The following ZG16 variants were observed in gnomAD, a reference collection of about 807,000 sequenced individuals.
The protein encoded by ZG16 is zymogen granule membrane protein 16.
In ZG16, 9 loss-of-function variants were observed where a neutral mutation model predicts 15.6. The ratio of observed to expected loss-of-function variants is 0.58; its 90% confidence interval spans 0.35 to 1.00. The LOEUF is 1.00. Among genes scored for constraint, ZG16 ranks in the 50% least tolerant of loss-of-function variants. The pLI, the probability that ZG16 is intolerant of heterozygous loss-of-function variation, is 0.02. For synonymous variants in ZG16, 89 were observed against 87.4 expected (o/e 1.02, Z -0.10); for missense variants, 174 against 214.8 (o/e 0.81, Z 1.19).
Position 29,780,360 on chromosome 16 carries a change from C to G in ZG16, c.445C>G (p.Leu149Val). 6.5e-7 allele frequency: 1 copy of G among 1,537,290 alleles called. No homozygotes were observed. The highest frequency in any genetic ancestry group is 8.7e-7 in the Non-Finnish European group (1 of 1,146,932). The change falls in exon 4 of 4, where the codon CTC becomes GTC. Residue 149 changes from leucine to valine, a missense_variant. By Grantham distance (32) the Leu-to-Val change is conservative. Coordinates refer to ENST00000400752, the MANE Select transcript of ZG16 (RefSeq NM_152338.4). Reference sequence around the variant, plus strand: ...CTTCATCAGTGGCCGGTCTGGTTCTCTCATCGATGCCATTGGCCTGCACTG... The same window carrying G: ...CTTCATCAGTGGCCGGTCTGGTTCTGTCATCGATGCCATTGGCCTGCACTG... ...LRFISGRSGS[L>V]IDAIGLHWDV... is the part of the protein sequence containing the mutation.
In ZG16 at chr16:29,780,488, ATGGCTC is replaced by A; in HGVS notation, c.*70_*75del. ...TCCCTTATCACTAACCCCCATCCAA[ATGGCTC>A]AATAAAAAAAATATGGTTAAGGCTA... is the stretch of plus-strand genomic sequence containing the variant. On this transcript the variant is annotated 3_prime_UTR_variant, in exon 4 of 4. Coordinates refer to ENST00000400752, the MANE Select transcript of ZG16 (RefSeq NM_152338.4). 2 of 1,266,842 alleles carry A rather than the reference ATGGCTC, an allele frequency of 1.6e-6. No individual in the cohort carries two copies. Among genetic ancestry groups the A allele is most frequent in the African/African-American group, 1.9e-5 (1 of 52,338 alleles). The allele number at this position is 1,266,842 out of a possible 1,614,324, so 78.5% of individuals were successfully genotyped here.
rs1261033040 is a variant in ZG16, at chr16:29,780,285, A to C, written c.370A>C (p.Ser124Arg). Reference sequence around the variant, plus strand: ...CCGCTATCTGTCTTTTGGGAAAGACAGTGGCACAAGTTTCAATGCCGTCCC... The same window carrying C: ...CCGCTATCTGTCTTTTGGGAAAGACCGTGGCACAAGTTTCAATGCCGTCCC... The part of the protein sequence containing the change: ...KGRYLSFGKD[S>R]GTSFNAVPLH... The change falls in exon 4 of 4, where the codon AGT becomes CGT. Residue 124 changes from serine (S) to arginine (R), a missense_variant. Transcript: ENST00000400752. 1 of 1,537,464 alleles carries C rather than the reference A, an allele frequency of 6.5e-7. No homozygotes were observed. Among genetic ancestry groups the C allele is most frequent in the South Asian group, 1.2e-5 (1 of 84,060 alleles).
Position 29,780,920 on chromosome 16 carries a change from C to T in ZG16, c.*501C>T, listed in dbSNP as rs1483727530. 1 of 153,514 alleles carries T rather than the reference C, an allele frequency of 6.5e-6. No individual in the cohort carries two copies. Among genetic ancestry groups the T allele is most frequent in the Non-Finnish European group, 1.5e-5 (1 of 68,964 alleles). 9.5% of individuals were successfully genotyped at this position (153,514 alleles called of 1,614,324 possible). Reference sequence around the variant, plus strand: ...TTCTTTCCCAGAACCCACCTGACTCCTGAAACTTAGCTGAAGTCTGTGCCC... The same window carrying T: ...TTCTTTCCCAGAACCCACCTGACTCTTGAAACTTAGCTGAAGTCTGTGCCC... On this transcript the variant is annotated 3_prime_UTR_variant, in exon 4 of 4. Transcript: ENST00000400752.
Position 29,780,521 on chromosome 16 carries a change from T to A in ZG16, c.*102T>A. ...ATAAAAAAAATATGGTTAAGGCTAGTCTGTGTGGGGGCATCTGTGGCTGGG... is the reference window on the plus strand; with the variant it reads ...ATAAAAAAAATATGGTTAAGGCTAGACTGTGTGGGGGCATCTGTGGCTGGG... On this transcript the variant is annotated 3_prime_UTR_variant, in exon 4 of 4. Coordinates refer to ENST00000400752, the MANE Select transcript of ZG16 (RefSeq NM_152338.4). 1 of 1,106,370 alleles carries A rather than the reference T, an allele frequency of 9.0e-7. No homozygotes were observed. The highest frequency in any genetic ancestry group is 1.3e-6 in the Non-Finnish European group (1 of 796,366). The allele number at this position is 1,106,370 out of a possible 1,614,324, so 68.5% of individuals were successfully genotyped here. A position where few individuals can be genotyped will look rare whatever the true frequency, so the allele number is the denominator to read the frequency against.
chr16:29,780,362 C>T lies in ZG16; in HGVS notation c.447C>T (p.Leu149=). Residue 149 remains leucine (L), a synonymous_variant, in exon 4 of 4, where the codon CTC becomes CTT. Coordinates refer to ENST00000400752, the MANE Select transcript of ZG16 (RefSeq NM_152338.4). ...TCATCAGTGGCCGGTCTGGTTCTCT[C>T]ATCGATGCCATTGGCCTGCACTGGG... ...LRFISGRSGS[L]IDAIGLHWDV... is the part of the protein sequence containing the mutation. 1 of 1,537,296 alleles carries T rather than the reference C, an allele frequency of 6.5e-7. No individual in the cohort carries two copies. Among genetic ancestry groups the T allele is most frequent in the Non-Finnish European group, 8.7e-7 (1 of 1,146,932 alleles).
At chr16:29,779,041 CAGG>C in intron 1 of ZG16, among the ~76,000 whole-genome samples, 1 of 152,104 alleles carries the variant, frequency 6.6e-6, no homozygotes, top group African/African-American at 2.4e-5. Context: ...ACAGCCAGAC[CAGG>C]GAGAGCTGGA....
chr16:29,780,221 G>A lies in ZG16; in HGVS notation c.306G>A (p.Lys102=), dbSNP rs1379784668. Residue 102 remains lysine, a synonymous_variant, in exon 4 of 4, where the codon AAG becomes AAA. Transcript: ENST00000400752. ...ESVIQVSGKY[K]WYLKKLVFVT... ...TGATCCAGGTTTCTGGGAAGTACAA[G>A]TGGTACCTGAAGAAGCTGGTATTTG... 6.5e-7 allele frequency: 1 copy of A among 1,537,464 alleles called. No homozygotes were observed. The highest frequency in any genetic ancestry group is 8.7e-7 in the Non-Finnish European group (1 of 1,146,936).
At chr16:29,778,651 A>G (rs1484519926) in intron 1 of ZG16, among the ~76,000 whole-genome samples, 1 of 152,216 alleles carries the variant, frequency 6.6e-6, no homozygotes, top group Non-Finnish European at 1.5e-5. Flanking sequence ...GTGCTGGCAC[A>G]GTTCCTTCTG....
chr16:29,779,276 G>A lies in ZG16; in HGVS notation c.10G>A (p.Val4Ile), dbSNP rs1484395842. The A allele has an allele frequency of 2.6e-6, 4 of 1,537,758 alleles. No homozygotes were observed. The highest frequency in any genetic ancestry group is 2.4e-5 in the East Asian group (1 of 40,910). The change falls in exon 2 of 4, where the codon GTC (valine) becomes ATC (isoleucine). Residue 4 changes from valine to isoleucine, a missense_variant. Physicochemically the swap from Val to Ile is conservative, Grantham distance 29 (BLOSUM62 3). Coordinates refer to ENST00000400752, the MANE Select transcript of ZG16 (RefSeq NM_152338.4). Reference sequence around the variant, plus strand: ...CCACTCCAGCCCCAGAATGTTGACAGTCGCTCTCCTAGCCCTTCTCTGTGC... The same window carrying A: ...CCACTCCAGCCCCAGAATGTTGACAATCGCTCTCCTAGCCCTTCTCTGTGC... MLT[V>I]ALLALLCASA...
chr16:29,780,243 T>A lies in ZG16; in HGVS notation c.328T>A (p.Phe110Ile). 1 of 1,537,480 alleles carries A rather than the reference T, an allele frequency of 6.5e-7. No homozygotes were observed. The highest frequency in any genetic ancestry group is 8.7e-7 in the Non-Finnish European group (1 of 1,146,960). The change falls in exon 4 of 4, where the codon TTT (phenylalanine) becomes ATT (isoleucine). Residue 110 changes from phenylalanine to isoleucine, a missense_variant. Coordinates refer to ENST00000400752, the MANE Select transcript of ZG16 (RefSeq NM_152338.4). Reference protein sequence around the residue: ...KYKWYLKKLVFVTDKGRYLSF... With the variant: ...KYKWYLKKLVIVTDKGRYLSF... ...CAAGTGGTACCTGAAGAAGCTGGTA[T>A]TTGTGACAGACAAGGGCCGCTATCT...
At position 29,780,500 on chromosome 16, in the gene ZG16, A is replaced by G; in HGVS notation, c.*81A>G. On this transcript the variant is annotated 3_prime_UTR_variant, in exon 4 of 4. Coordinates refer to ENST00000400752, the MANE Select transcript of ZG16 (RefSeq NM_152338.4). Reference sequence around the variant, plus strand: ...AACCCCCATCCAAATGGCTCAATAAAAAAAATATGGTTAAGGCTAGTCTGT... The same window carrying G: ...AACCCCCATCCAAATGGCTCAATAAGAAAAATATGGTTAAGGCTAGTCTGT... 2.3e-6 allele frequency: 3 copies of G among 1,283,494 alleles called. No individual in the cohort carries two copies. Among genetic ancestry groups the G allele is most frequent in the Non-Finnish European group, 3.1e-6 (3 of 954,892 alleles). The allele number at this position is 1,283,494 out of a possible 1,614,324, so 79.5% of individuals were successfully genotyped here.
intron 1 of ZG16, 146 bp downstream of exon 1, chr16:29,778,452 T>A (rs980225873): frequency 6.6e-6 from 1 of 152,312 alleles, no homozygotes; most frequent in Admixed American, 6.5e-5. Context: ...CAAAGCTGTC[T>A]AGGTCTCTGC....
Position 29,780,160 on chromosome 16 carries a change from A to G in ZG16, c.245A>G (p.Asp82Gly). ...WSDYVGGRNGDLEEIFLHPGE... is the reference protein window; with the variant it reads ...WSDYVGGRNGGLEEIFLHPGE... ...GACTATGTGGGTGGTCGCAACGGAG[A>G]CCTGGAGGAGATCTTTCTGCACCCT... The change falls in exon 4 of 4, where the codon GAC becomes GGC. Residue 82 changes from aspartate (D) to glycine (G), a missense_variant. Transcript: ENST00000400752. 2 of 1,537,140 alleles carry G rather than the reference A, an allele frequency of 1.3e-6. No individual in the cohort carries two copies. Among genetic ancestry groups the G allele is most frequent in the Non-Finnish European group, 1.7e-6 (2 of 1,146,892 alleles).
rs139369501 is a variant in ZG16 at position 29,780,755 on chromosome 16, G to A, written c.*336G>A. ...ACATTGATCCAAACTGGAGTCATGG[G>A]TCTGAGGGCAAGGCCTAGTTGTGGC... On this transcript the variant is annotated 3_prime_UTR_variant, in exon 4 of 4. Coordinates refer to ENST00000400752, the MANE Select transcript of ZG16 (RefSeq NM_152338.4). 815 of 240,554 alleles carry A rather than the reference G, an allele frequency of 3.4e-3. 9 individuals are homozygous for A. Among genetic ancestry groups the A allele is most frequent in the African/African-American group, 0.017 (749 of 44,162 alleles). 14.9% of individuals were successfully genotyped at this position (240,554 alleles called of 1,614,324 possible).
In ZG16 at chr16:29,780,194, A is replaced by G. The variant is rs369514382; in HGVS notation, c.279A>G (p.Ser93=). 2.6e-5 allele frequency: 40 copies of G among 1,537,346 alleles called. No homozygotes were observed. The African/African-American group carries it at 4.9e-4, about 19-fold the overall frequency. The part of the protein sequence containing the change: ...LEEIFLHPGE[S]VIQVSGKYKW... The stretch of plus-strand genomic sequence containing the variant: ...AGATCTTTCTGCACCCTGGGGAATC[A>G]GTGATCCAGGTTTCTGGGAAGTACA... The change falls in exon 4 of 4, where the codon TCA becomes TCG. Residue 93 remains serine (S), a synonymous_variant. Coordinates refer to ENST00000400752, the MANE Select transcript of ZG16 (RefSeq NM_152338.4).
chr16:29,779,214 CAAGG>C (rs1447477713), intron 1 of ZG16, 42 bp from the exon 2 acceptor site: 13 of 1,531,640 alleles, frequency 8.5e-6, no homozygotes, highest in Non-Finnish European at 8.8e-7. Flanking sequence ...ATCAAGTCAA[CAAGG>C]AAGAAGGTGA....
Position 29,782,830 on chromosome 16 carries a change from G to T in ZG16, c.*2411G>T. ...GCCACAGCTGAGGAACATAAATTGT[G>T]AAGATTTCATGGACATTTACCAGTT... On this transcript the variant is annotated 3_prime_UTR_variant, in exon 4 of 4. Transcript: ENST00000400752. 6.5e-6 allele frequency: 1 copy of T among 152,732 alleles called. No individual in the cohort carries two copies. Among genetic ancestry groups the T allele is most frequent in the South Asian group, 1.9e-4 (1 of 5,254 alleles). 9.5% of individuals were successfully genotyped at this position (152,732 alleles called of 1,614,324 possible). A position where few individuals can be genotyped will look rare whatever the true frequency, so the allele number is the denominator to read the frequency against.
Position 29,780,641 on chromosome 16 carries a change from T to G in ZG16, c.*222T>G. ...AAGATGGGAAGATGAGGGAGAGGTA[T>G]GTAAGAATCCTGGGCTTTGTGCTAT... is the stretch of plus-strand genomic sequence containing the variant. On this transcript the variant is annotated 3_prime_UTR_variant, in exon 4 of 4. Transcript: ENST00000400752. 1.8e-6 allele frequency: 1 copy of G among 545,854 alleles called. No individual in the cohort carries two copies. Among genetic ancestry groups the G allele is most frequent in the Admixed American group, 3.3e-5 (1 of 30,066 alleles). 33.8% of individuals were successfully genotyped at this position (545,854 alleles called of 1,614,324 possible). A position where few individuals can be genotyped will look rare whatever the true frequency, so the allele number is the denominator to read the frequency against.
At position 29,782,184 on chromosome 16, in the gene ZG16, C is replaced by T. The variant is rs1342901680; in HGVS notation, c.*1765C>T. 6.6e-6 allele frequency: 1 copy of T among 152,260 alleles called. No individual in the cohort carries two copies. 9.4% of individuals were successfully genotyped at this position (152,260 alleles called of 1,614,324 possible). A position where few individuals can be genotyped will look rare whatever the true frequency, so the allele number is the denominator to read the frequency against. On this transcript the variant is annotated 3_prime_UTR_variant, in exon 4 of 4. Transcript: ENST00000400752. ...ATGTCTGCCCCAGTGAATGCAGCCG[C>T]CACGGAGCCCCAGCCTCCTCTATGG...
Sources: allele counts gnomAD v4.1 joint callset (sites outside exome capture counted in the v4.1 genomes callset), GRCh38; gene constraint gnomAD v4.1.1; transcripts MANE v1.5; gene names NCBI Gene and HGNC (gene_info 2026-07-23, HGNC 2026-07-21).